Variants in TMEM108 observed in about 807,000 individuals in gnomAD.
TMEM108 encodes the protein transmembrane protein 108, also known as cancer/testis antigen 124.
In TMEM108, 12 loss-of-function variants were observed where a neutral mutation model predicts 35.1. The observed-to-expected ratio is 0.34, with a 90% confidence interval of 0.22 to 0.55. The LOEUF is 0.55. TMEM108 is among the 20% of genes least tolerant of loss of function. The probability of loss-of-function intolerance (pLI) is 0.89; values close to 1 mark genes in which losing one functional copy is unlikely to be tolerated. For missense variants in TMEM108, 680 were observed against 753.3 expected, an observed-to-expected ratio of 0.90 and a Z score of 1.14; for synonymous variants, 287 against 308.6, an observed-to-expected ratio of 0.93 and a Z score of 0.73.
At chr3:133,379,597 C>G (rs2107837915) in intron 3 of TMEM108, 155 bp from the exon 4 acceptor site, 1 of 722,830 alleles carries the variant, frequency 1.4e-6, no homozygotes, top group East Asian at 2.5e-5. Flanking sequence ...GCTCCACAGA[C>G]AGTTCTGGTT....
intron 2 of TMEM108, among the ~76,000 whole-genome samples, chr3:133,064,896 G>T (rs1385255116): frequency 2.0e-5 from 3 of 152,020 alleles, no homozygotes; most frequent in African/African-American, 7.2e-5. Context: ...TGGTTTACTG[G>T]TCTTTTTTCC....
At chr3:133,243,723 C>T (rs1946345363) in intron 3 of TMEM108, among the ~76,000 whole-genome samples, 1 of 152,084 alleles carries the variant, frequency 6.6e-6, no homozygotes, top group Non-Finnish European at 1.5e-5. Flanking sequence ...CGGGGTTTCA[C>T]TGTGTTAGCC....
At chr3:133,194,950 A>G (rs1287388436) in intron 2 of TMEM108, among the ~76,000 whole-genome samples, 1 of 152,216 alleles carries the variant, frequency 6.6e-6, no homozygotes, top group Non-Finnish European at 1.5e-5. Context: ...TCAAAGGACA[A>G]TAGATGACAG....
chr3:133,080,876 G>A lies in TMEM108; in HGVS notation c.-47+34856G>A, dbSNP rs150904553. On this transcript the variant is annotated intron_variant, in intron 2 of 5. Coordinates refer to ENST00000321871, the MANE Select transcript of TMEM108 (RefSeq NM_023943.4). ...AAGCTTAGTCTCTAGATAGACACAA[G>A]TAGGGTCTCTTCACATGAAAAAGGA... is the stretch of plus-strand genomic sequence containing the variant. Among the ~76,000 whole-genome samples the A allele has an allele frequency of 2.2e-4, 33 of 152,224 alleles. 1 individual carries two copies. Among genetic ancestry groups the A allele is most frequent in the African/African-American group, 6.7e-4 (28 of 41,546 alleles).
intron 2 of TMEM108, among the ~76,000 whole-genome samples, chr3:133,134,831 C>T (rs376504198): frequency 9.2e-5 from 14 of 152,060 alleles, no homozygotes; most frequent in South Asian, 4.1e-4. Context: ...TGTCTGCCTT[C>T]GCATACCCAT....
In TMEM108 at chr3:133,338,905, A is replaced by G. The variant is rs187027118; in HGVS notation, c.41-40847A>G. 1.2e-4 allele frequency among the ~76,000 whole-genome samples: 18 copies of G among 152,104 alleles called. No homozygotes were observed. The East Asian group carries it at 3.5e-3, about 29-fold the overall frequency. On this transcript the variant is annotated intron_variant, in intron 3 of 5. Coordinates refer to ENST00000321871, the MANE Select transcript of TMEM108 (RefSeq NM_023943.4). The stretch of plus-strand genomic sequence containing the variant: ...TTATCAGCTTAAAATAATGGGTTAT[A>G]AGATAGCATTTGCAAGCCTCATGGT...
chr3:133,388,698 CA>C (rs2107857148), intron 4 of TMEM108: 1 of 985,442 alleles, frequency 1.0e-6, no homozygotes, highest in East Asian at 1.1e-4. Context: ...TAACCTTGTA[CA>C]GAGACCTTTC....
rs1944929737 is a variant in TMEM108 at position 133,159,451 on chromosome 3, C to G, written c.-46-69815C>G. Among the ~76,000 whole-genome samples, 3 of 152,174 alleles carry G rather than the reference C, an allele frequency of 2.0e-5. No homozygotes were observed. In the South Asian group the frequency reaches 6.2e-4, roughly 32 times the overall value. ...CTTTCCTCCGTTCACTGCAAAGGAT[C>G]CACCCCTTTGATGACCTGATCTTTG... On this transcript the variant is annotated intron_variant, in intron 2 of 5. Coordinates refer to ENST00000321871, the MANE Select transcript of TMEM108 (RefSeq NM_023943.4).
intron 2 of TMEM108, among the ~76,000 whole-genome samples, chr3:133,068,270 G>A (rs553188047): frequency 6.6e-6 from 1 of 152,242 alleles, no homozygotes; most frequent in South Asian, 2.1e-4. Context: ...GAACTTAGCT[G>A]AGACATGACC....
chr3:133,043,678 T>C (rs966450116), intron 1 of TMEM108, among the ~76,000 whole-genome samples: 3 of 152,052 alleles, frequency 2.0e-5, no homozygotes, highest in Non-Finnish European at 4.4e-5. Flanking sequence ...TGACTTGGAG[T>C]TTTTGACTTC....
intron 2 of TMEM108, among the ~76,000 whole-genome samples, chr3:133,191,632 T>A (rs975267648): frequency 1.3e-5 from 2 of 152,158 alleles, no homozygotes; most frequent in Non-Finnish European, 2.9e-5. Flanking sequence ...AAGAAAATAT[T>A]CTCTCGTCAA....
In TMEM108 at chr3:133,368,559, G is replaced by A. The variant is rs74707187; in HGVS notation, c.41-11193G>A. On this transcript the variant is annotated intron_variant, in intron 3 of 5. Transcript: ENST00000321871. ...TTCTCCTGCCTCACTCTGGCCTGTGGGATGTGTGTGCATTTGATGCAGTTA... is the reference window on the plus strand; with the variant it reads ...TTCTCCTGCCTCACTCTGGCCTGTGAGATGTGTGTGCATTTGATGCAGTTA... 0.011 allele frequency among the ~76,000 whole-genome samples: 1,627 copies of A among 152,204 alleles called. 128 individuals are homozygous for A. The East Asian group carries it at 0.2, about 19-fold the overall frequency.
At chr3:133,155,443 A>AT (rs1414102785) in intron 2 of TMEM108, among the ~76,000 whole-genome samples, 1 of 152,128 alleles carries the variant, frequency 6.6e-6, no homozygotes, top group East Asian at 1.9e-4. Flanking sequence ...CCACATCCAC[A>AT]GTGGCTGAAC....
rs1321456474 is a variant in TMEM108, at chr3:133,354,273, CAG to C, written c.41-25478_41-25477del. Reference sequence around the variant, plus strand: ...GGTGAGAGCACGATATACACCACATCAGGGGTCTGCTGGTAAAGCTCTCAGCT... The same window carrying C: ...GGTGAGAGCACGATATACACCACATCGGGTCTGCTGGTAAAGCTCTCAGCT... On this transcript the variant is annotated intron_variant, in intron 3 of 5. Transcript: ENST00000321871. Among the ~76,000 whole-genome samples, 13 of 152,288 alleles carry C rather than the reference CAG, an allele frequency of 8.5e-5. 1 individual carries two copies. Among genetic ancestry groups the C allele is most frequent in the African/African-American group, 3.1e-4 (13 of 41,576 alleles).
chr3:133,156,269 C>T (rs1395473724), intron 2 of TMEM108, among the ~76,000 whole-genome samples: 1 of 152,090 alleles, frequency 6.6e-6, no homozygotes, highest in Non-Finnish European at 1.5e-5. Flanking sequence ...TATGTCTCTG[C>T]AGTAGCTGAG....
At chr3:133,063,390 A>G (rs1048493524) in intron 2 of TMEM108, among the ~76,000 whole-genome samples, 4 of 152,176 alleles carry the variant, frequency 2.6e-5, no homozygotes, top group African/African-American at 9.7e-5. Flanking sequence ...ACAGTGGTAT[A>G]GATGTGATAA....
intron 2 of TMEM108, among the ~76,000 whole-genome samples, chr3:133,065,663 T>G (rs1412695078): frequency 6.6e-6 from 1 of 152,198 alleles, no homozygotes; most frequent in African/African-American, 2.4e-5. Flanking sequence ...CAATTCTTAT[T>G]AAATTTAAAA....
intron 2 of TMEM108, among the ~76,000 whole-genome samples, chr3:133,174,397 C>T (rs1945178913): frequency 6.6e-6 from 1 of 152,296 alleles, no homozygotes; most frequent in Admixed American, 6.5e-5. Flanking sequence ...GGTCCCTGAC[C>T]CCCGAGTAGC....
At chr3:133,220,079 T>C (rs1178518432) in intron 2 of TMEM108, among the ~76,000 whole-genome samples, 1 of 133,760 alleles carries the variant, frequency 7.5e-6, no homozygotes, top group African/African-American at 2.6e-5. Flanking sequence ...TTTTGTTTCT[T>C]CGGTTTTTTT....
Sources: gnomAD v4.1 joint callset for allele counts (sites outside exome capture counted in the v4.1 genomes callset) on GRCh38, gnomAD v4.1.1 for gene constraint, MANE v1.5 for transcripts, NCBI Gene and HGNC (gene_info 2026-07-23, HGNC 2026-07-21) for gene names.